Variants in DENND1A observed in about 807,000 individuals in gnomAD.
DENND1A encodes the protein DENN domain-containing protein 1A.
In DENND1A, 51 loss-of-function variants were observed where a neutral mutation model predicts 113.7. The observed-to-expected ratio is 0.45, with a 90% CI of 0.36 to 0.57. The LOEUF is 0.57. DENND1A is among the 20% of genes least tolerant of loss of function. The probability of loss-of-function intolerance (pLI) is 0.00; values close to 1 mark genes in which losing one functional copy is unlikely to be tolerated. For missense variants in DENND1A, 1,258 were observed against 1,395.9 expected (o/e 0.90, Z 1.57); for synonymous variants, 565 against 570.8 (o/e 0.99, Z 0.14).
intron 21 of DENND1A, chr9:123,402,407 C>A: frequency 2.2e-6 from 1 of 444,682 alleles, no homozygotes; most frequent in Admixed American, 2.6e-5. Flanking sequence ...TAGGCCCCAG[C>A]TTGACAGCTC....
At chr9:123,439,973 T>A (rs1231415067) in intron 19 of DENND1A, 1 of 152,528 alleles carries the variant, frequency 6.6e-6, no homozygotes, top group East Asian at 1.9e-4. Context: ...CCTAATTGAT[T>A]TTTTTTTTAA....
At chr9:123,713,832 T>C (rs2066795347) in intron 5 of DENND1A, among the ~76,000 whole-genome samples, 1 of 152,142 alleles carries the variant, frequency 6.6e-6, no homozygotes. Flanking sequence ...AACACTGAAA[T>C]TCAGAGGTGA....
intron 2 of DENND1A, among the ~76,000 whole-genome samples, chr9:123,867,124 T>G (rs1845898699): frequency 6.6e-6 from 1 of 152,158 alleles, no homozygotes; most frequent in Admixed American, 6.5e-5. Flanking sequence ...TAAAGCTTTC[T>G]TTTTCTAAAG....
intron 3 of DENND1A, among the ~76,000 whole-genome samples, chr9:123,773,600 G>C (rs1420436608): frequency 6.6e-6 from 1 of 152,136 alleles, no homozygotes; most frequent in African/African-American, 2.4e-5. Flanking sequence ...CTGACCTTGG[G>C]GTGCTAGGTA....
intron 4 of DENND1A, among the ~76,000 whole-genome samples, chr9:123,763,933 A>T (rs1233523955): frequency 6.6e-6 from 1 of 151,912 alleles, no homozygotes; most frequent in Admixed American, 6.6e-5. Context: ...AAAAATAGAG[A>T]ATCAGAAAGC....
chr9:123,732,336 G>A (rs144910033), intron 5 of DENND1A, among the ~76,000 whole-genome samples: 174 of 152,278 alleles, frequency 1.1e-3, no homozygotes, highest in African/African-American at 3.7e-3. Flanking sequence ...ACATTCTACA[G>A]TGGAATACCT....
chr9:123,504,994 C>A (rs1054345004), intron 13 of DENND1A, among the ~76,000 whole-genome samples: 1 of 152,182 alleles, frequency 6.6e-6, no homozygotes, highest in African/African-American at 2.4e-5. Context: ...ACCCACCCCC[C>A]TTGTAAAAGA....
intron 19 of DENND1A, among the ~76,000 whole-genome samples, chr9:123,434,652 G>A (rs2046382694): frequency 6.6e-6 from 1 of 152,152 alleles, no homozygotes. Context: ...TAGTCCTGGG[G>A]TAGCACGAGG....
In DENND1A at chr9:123,753,942, T is replaced by C. The variant is rs1175797370; in HGVS notation, c.302+3761A>G. Among the ~76,000 whole-genome samples the C allele has an allele frequency of 2.6e-5, 4 of 152,172 alleles. No individual in the cohort carries two copies. The South Asian group carries it at 6.2e-4, about 24-fold the overall frequency. ...AGCAGAGACTGTTGAGTGGTTCACA[T>C]GGACCAGAAAGCATAGAAGTTTGGA... On this transcript the variant is annotated intron_variant, in intron 5 of 23. Transcript: ENST00000394215.
intron 2 of DENND1A, among the ~76,000 whole-genome samples, chr9:123,825,606 C>T (rs1218561440): frequency 6.6e-6 from 1 of 152,214 alleles, no homozygotes; most frequent in African/African-American, 2.4e-5. Flanking sequence ...TATAAGACCC[C>T]ATCTACCGTA....
chr9:123,430,207 T>C (rs182808047), intron 19 of DENND1A, among the ~76,000 whole-genome samples: 1 of 152,302 alleles, frequency 6.6e-6, no homozygotes, highest in Non-Finnish European at 1.5e-5. Context: ...GGAGAGGTTG[T>C]AGAGAAAAAG....
At chr9:123,669,658 A>G (rs2063665619) in intron 7 of DENND1A, among the ~76,000 whole-genome samples, 1 of 152,222 alleles carries the variant, frequency 6.6e-6, no homozygotes, top group Non-Finnish European at 1.5e-5. Flanking sequence ...TACGGACTGA[A>G]GTGGTGAGAT....
chr9:123,900,404 T>C (rs946421729), intron 1 of DENND1A, among the ~76,000 whole-genome samples: 1 of 152,030 alleles, frequency 6.6e-6, no homozygotes, highest in Non-Finnish European at 1.5e-5. Flanking sequence ...GCCCACACAC[T>C]ATGAGAAAGA....
intron 2 of DENND1A, among the ~76,000 whole-genome samples, chr9:123,852,534 C>T (rs936294958): frequency 6.6e-6 from 1 of 152,132 alleles, no homozygotes; most frequent in African/African-American, 2.4e-5. Flanking sequence ...GCATTAAGTC[C>T]TTCAAAGACT....
At chr9:123,424,669 C>A (rs2131900960) in intron 19 of DENND1A, among the ~76,000 whole-genome samples, 1 of 152,344 alleles carries the variant, frequency 6.6e-6, no homozygotes, top group Non-Finnish European at 1.5e-5. Flanking sequence ...AGCCCAGGTT[C>A]CAGCATCAGA....
rs2054950956 is a variant in DENND1A, at chr9:123,527,641, C to G, written c.993+29929G>C. On this transcript the variant is annotated intron_variant, in intron 13 of 23. Coordinates refer to ENST00000394215, the MANE Select transcript of DENND1A (RefSeq NM_001352964.2). The stretch of plus-strand genomic sequence containing the variant: ...GTACCCCCCTTGGATCTCCCGCACC[C>G]ATCTGGAGGACTCATTAAGCTGTAT... Among the ~76,000 whole-genome samples, 6 of 152,262 alleles carry G rather than the reference C, an allele frequency of 3.9e-5. No homozygotes were observed. In the South Asian group the frequency reaches 1.2e-3, roughly 32 times the overall value.
At position 123,764,690 on chromosome 9, in the gene DENND1A, T is replaced by C. The variant is rs982111486; in HGVS notation, c.182+4824A>G. 6.6e-6 allele frequency among the ~76,000 whole-genome samples: 1 copy of C among 152,162 alleles called. No homozygotes were observed. Among genetic ancestry groups the C allele is most frequent in the Non-Finnish European group, 1.5e-5 (1 of 68,032 alleles). Reference sequence around the variant, plus strand: ...CTACATGAGCCTGACAAAGTCAACATGAAGCATAACTGCAGAATTTAAAAG... The same window carrying C: ...CTACATGAGCCTGACAAAGTCAACACGAAGCATAACTGCAGAATTTAAAAG... On this transcript the variant is annotated intron_variant, in intron 4 of 23. Coordinates refer to ENST00000394215, the MANE Select transcript of DENND1A (RefSeq NM_001352964.2). The surrounding 1 kb of genome is among the most constrained non-coding windows in gnomAD (Gnocchi z 4.1).
intron 3 of DENND1A, among the ~76,000 whole-genome samples, chr9:123,770,687 A>G (rs1829592122): frequency 1.3e-5 from 2 of 152,242 alleles, no homozygotes; most frequent in Non-Finnish European, 2.9e-5. Flanking sequence ...GACAAAATGA[A>G]GAACACATTT....
At chr9:123,448,672 T>G (rs1455090094) in intron 18 of DENND1A, among the ~76,000 whole-genome samples, 2 of 152,226 alleles carry the variant, frequency 1.3e-5, no homozygotes, top group African/African-American at 4.8e-5. Context: ...TCTGGCAGGG[T>G]GCAAACAGAC....
Sources: allele counts gnomAD v4.1 joint callset (sites outside exome capture counted in the v4.1 genomes callset), GRCh38; gene constraint gnomAD v4.1.1; non-coding constraint Gnocchi (gnomAD v3.1); transcripts MANE v1.5; gene names NCBI Gene and HGNC (gene_info 2026-07-23, HGNC 2026-07-21).